The following FBXO22 variants were observed in gnomAD, a reference collection of about 807,000 sequenced individuals.
FBXO22 encodes F-box protein 22.
In FBXO22, 13 loss-of-function variants were observed where a neutral mutation model predicts 37.2. The observed-to-expected ratio is 0.35, with a 90% CI of 0.23 to 0.56. The LOEUF is 0.56. FBXO22 is among the 20% of genes least tolerant of loss of function. FBXO22 has a pLI of 0.87. For synonymous variants in FBXO22, 189 were observed against 189.1 expected, an observed-to-expected ratio of 1.00 and a Z score of 0.00; for missense variants, 446 against 509.9, an observed-to-expected ratio of 0.87 and a Z score of 1.21.
intron 4 of FBXO22, among the ~76,000 whole-genome samples, chr15:75,915,617 A>G (rs1900163953): frequency 6.6e-6 from 1 of 151,716 alleles, no homozygotes; most frequent in South Asian, 2.1e-4. Context: ...AAATGTAAAA[A>G]TTGGCCAGGC....
chr15:75,909,594 C>T (rs1900005660), intron 2 of FBXO22, among the ~76,000 whole-genome samples: 1 of 152,026 alleles, frequency 6.6e-6, no homozygotes. Context: ...GTTCTAAGAG[C>T]TTCAGTTATC....
At chr15:75,904,826 CT>C (rs3991408) in intron 2 of FBXO22, among the ~76,000 whole-genome samples, 197 bp downstream of exon 2, 8 of 136,078 alleles carry the variant, frequency 5.9e-5, no homozygotes, top group African/African-American at 1.4e-4. Context: ...AATGTTGGGC[CT>C]TTTTTTTTTT....
In FBXO22 at chr15:75,930,040, C is replaced by G; in HGVS notation, c.785C>G (p.Thr262Ser). Residue 262 changes from threonine (T) to serine (S), a missense_variant, in exon 6 of 7, where the codon ACT (threonine) becomes AGT (serine). This residue lies in a region of FBXO22 where 315 missense variants were observed against 410.1 expected (regional missense o/e 0.77). Transcript: ENST00000308275. Reference protein sequence around the residue: ...GGQVDNLSSLTSEKNPLDIDA... With the variant: ...GGQVDNLSSLSSEKNPLDIDA... The stretch of plus-strand genomic sequence containing the variant: ...CAGGTGGACAACCTGTCATCACTGA[C>G]TTCTGAAAAGTATGTCTTGTGTGCT... 1 of 1,614,018 alleles carries G rather than the reference C, an allele frequency of 6.2e-7. No individual in the cohort carries two copies. The highest frequency in any genetic ancestry group is 8.5e-7 in the Non-Finnish European group (1 of 1,179,904).
At chr15:75,905,904 C>T (rs1899919123) in intron 2 of FBXO22, among the ~76,000 whole-genome samples, 1 of 152,196 alleles carries the variant, frequency 6.6e-6, no homozygotes. Context: ...TAAGGCGATG[C>T]TTGCCAAGTG....
chr15:75,904,205 C>T lies in FBXO22; in HGVS notation c.140+102C>T, dbSNP rs1178768280. 10 of 1,395,176 alleles carry T rather than the reference C, an allele frequency of 7.2e-6. No individual in the cohort carries two copies. The East Asian group carries it at 1.8e-4, about 25-fold the overall frequency. The allele number at this position is 1,395,176 out of a possible 1,614,324, so 86.4% of individuals were successfully genotyped here. On this transcript the variant is annotated intron_variant, in intron 1 of 6. Coordinates refer to ENST00000308275, the MANE Select transcript of FBXO22 (RefSeq NM_147188.3). ...GAGAGACCCTTGGGACCCACCAGGG[C>T]CGTCCCCGGCTCGCTCGCCCTACCT...
chr15:75,918,947 A>G (rs1900253638), intron 5 of FBXO22, among the ~76,000 whole-genome samples: 1 of 152,040 alleles, frequency 6.6e-6, no homozygotes, highest in Admixed American at 6.6e-5. Flanking sequence ...ATAGTCAGTG[A>G]CCATATATTC....
At chr15:75,909,615 T>C (rs2141704044) in intron 2 of FBXO22, among the ~76,000 whole-genome samples, 1 of 152,186 alleles carries the variant, frequency 6.6e-6, no homozygotes, top group East Asian at 1.9e-4. Flanking sequence ...ATTATGAAAA[T>C]GAACTTTTTG....
chr15:75,912,533 C>G (rs1013739748), intron 2 of FBXO22, among the ~76,000 whole-genome samples: 1 of 152,146 alleles, frequency 6.6e-6, no homozygotes, highest in Non-Finnish European at 1.5e-5. Flanking sequence ...TCCATTTCTT[C>G]TAGATTTTCT....
At chr15:75,907,868 G>C (rs1310442134) in intron 2 of FBXO22, among the ~76,000 whole-genome samples, 1 of 152,136 alleles carries the variant, frequency 6.6e-6, no homozygotes, top group African/African-American at 2.4e-5. Context: ...GCTTGAACCA[G>C]GGAGATGGAG....
rs1217456909 is a variant in FBXO22 at position 75,917,430 on chromosome 15, T to G, written c.628+36T>G. 3 of 1,450,966 alleles carry G rather than the reference T, an allele frequency of 2.1e-6. No homozygotes were observed. The East Asian group carries it at 6.9e-5, about 33-fold the overall frequency. The allele number at this position is 1,450,966 out of a possible 1,614,324, so 89.9% of individuals were successfully genotyped here. ...TTTATTTATCATTAACTGCTCATTT[T>G]ATTGATTAATTTTGTTTTCTTTTTA... On this transcript the variant is annotated intron_variant, in intron 5 of 6. Transcript: ENST00000308275.
At chr15:75,913,371 G>A in intron 3 of FBXO22, 81 bp downstream of exon 3, 1 of 933,332 alleles carries the variant, frequency 1.1e-6, no homozygotes. Context: ...TACTTGTCCT[G>A]AGAGTTAACT....
chr15:75,932,908 G>A lies in FBXO22; in HGVS notation c.1018G>A (p.Val340Ile). The A allele has an allele frequency of 1.9e-6, 3 of 1,614,264 alleles. No individual in the cohort carries two copies. Among genetic ancestry groups the A allele is most frequent in the Non-Finnish European group, 2.5e-6 (3 of 1,180,048 alleles). Residue 340 changes from valine to isoleucine, a missense_variant, in exon 7 of 7, where the codon GTT becomes ATT. By Grantham distance (29) the Val-to-Ile change is conservative. This residue lies in a region of FBXO22 where 315 missense variants were observed against 410.1 expected (regional missense o/e 0.77). Coordinates refer to ENST00000308275, the MANE Select transcript of FBXO22 (RefSeq NM_147188.3). The stretch of plus-strand genomic sequence containing the variant: ...TCAGTATTACAGAGCCAAGGGGAAT[G>A]TTGAGGCTGATGCATTTAGAAAGTT... ...GFQYYRAKGNVEADAFRKFFP... is the reference protein window; with the variant it reads ...GFQYYRAKGNIEADAFRKFFP...
chr15:75,921,965 C>G (rs1301243316), intron 5 of FBXO22, among the ~76,000 whole-genome samples: 1 of 151,954 alleles, frequency 6.6e-6, no homozygotes, highest in African/African-American at 2.4e-5. Context: ...TCCTGAAGGA[C>G]CTGCCTGAGG....
Position 75,917,384 on chromosome 15 carries a change from C to T in FBXO22, c.618C>T (p.Leu206=), listed in dbSNP as rs991158011. The change falls in exon 5 of 7, where the codon CTC becomes CTT. Residue 206 remains leucine, a synonymous_variant. Transcript: ENST00000308275. Reference sequence around the variant, plus strand: ...ATTTAACATTAGAAAGACATCAACTCACTGAAGTAGGTAAGTTACTTTTAT... The same window carrying T: ...ATTTAACATTAGAAAGACATCAACTTACTGAAGTAGGTAAGTTACTTTTAT... ...PKNLTLERHQ[L]TEVGLLDNPE... is the part of the protein sequence containing the mutation. 7.6e-6 allele frequency: 12 copies of T among 1,581,706 alleles called. No homozygotes were observed. The highest frequency in any genetic ancestry group is 1.7e-4 in the Middle Eastern group (1 of 5,816).
intron 2 of FBXO22, among the ~76,000 whole-genome samples, chr15:75,909,571 A>G (rs927680580): frequency 1.3e-5 from 2 of 152,114 alleles, no homozygotes; most frequent in African/African-American, 4.8e-5. Flanking sequence ...TTTTGCTGGT[A>G]CTTGATGTTT....
In FBXO22 at chr15:75,934,778, AT is replaced by A. The variant is rs1419695541; in HGVS notation, c.*1682del. 6.6e-6 allele frequency: 1 copy of A among 152,226 alleles called. No individual in the cohort carries two copies. The highest frequency in any genetic ancestry group is 1.5e-5 in the Non-Finnish European group (1 of 68,044). The allele number at this position is 152,226 out of a possible 1,614,324, so 9.4% of individuals were successfully genotyped here. A position where few individuals can be genotyped will look rare whatever the true frequency, so the allele number is the denominator to read the frequency against. On this transcript the variant is annotated 3_prime_UTR_variant, in exon 7 of 7. Coordinates refer to ENST00000308275, the MANE Select transcript of FBXO22 (RefSeq NM_147188.3). ...TGCTCATATAGCCCATAAGGCAAAT[AT>A]TTTTTAAACTTTATTGTCCCTGATA...
chr15:75,903,926 G>C lies in FBXO22; in HGVS notation c.-38G>C. Reference sequence around the variant, plus strand: ...TATGCTGGCGTAATCGGGTTCCTCCGAGCCGCCGTAGGACTGGTTCCGGCG... The same window carrying C: ...TATGCTGGCGTAATCGGGTTCCTCCCAGCCGCCGTAGGACTGGTTCCGGCG... On this transcript the variant is annotated 5_prime_UTR_variant, in exon 1 of 7. Coordinates refer to ENST00000308275, the MANE Select transcript of FBXO22 (RefSeq NM_147188.3). 11 of 1,473,356 alleles carry C rather than the reference G, an allele frequency of 7.5e-6. No individual in the cohort carries two copies. The highest frequency in any genetic ancestry group is 9.9e-6 in the Non-Finnish European group (11 of 1,106,742). 91.3% of individuals were successfully genotyped at this position (1,473,356 alleles called of 1,614,324 possible).
At chr15:75,917,133 A>T in intron 4 of FBXO22, 97 bp from the exon 5 acceptor site, 1 of 844,368 alleles carries the variant, frequency 1.2e-6, no homozygotes, top group Non-Finnish European at 1.9e-6. Context: ...TTACTCAGAT[A>T]GTGGCTTGTT....
chr15:75,907,265 AAAG>A (rs768561454), intron 2 of FBXO22, among the ~76,000 whole-genome samples: 3 of 152,220 alleles, frequency 2.0e-5, no homozygotes, highest in Admixed American at 6.5e-5. Context: ...CATAAAATAA[AAAG>A]AAAAATAATA....
Sources: gnomAD v4.1 joint callset for allele counts (sites outside exome capture counted in the v4.1 genomes callset) on GRCh38, gnomAD v4.1.1 for gene constraint, gnomAD v4.1.1 regional missense constraint, MANE v1.5 for transcripts, NCBI Gene and HGNC (gene_info 2026-07-23, HGNC 2026-07-21) for gene names.